Variants in PARPBP observed in about 807,000 individuals in gnomAD.
PARPBP encodes PARP1 binding protein.
PARPBP carries 52 observed loss-of-function variants against 50.0 expected under a neutral mutation model. That is an observed-to-expected ratio of 1.04 (90% CI 0.83 to 1.31). The LOEUF (loss-of-function observed/expected upper bound fraction) is 1.31, where lower values mean the gene tolerates loss of function less well. Ranked by LOEUF, PARPBP falls within the 50% of genes most tolerant of loss-of-function variation. The probability of loss-of-function intolerance (pLI) is 0.00; values close to 1 mark genes in which losing one functional copy is unlikely to be tolerated. For missense variants in PARPBP, 697 were observed against 672.0 expected (o/e 1.04, Z -0.41); for synonymous variants, 244 against 232.1 (o/e 1.05, Z -0.47).
intron 6 of PARPBP, among the ~76,000 whole-genome samples, chr12:102,174,364 T>C (rs1190399123): frequency 1.3e-5 from 2 of 152,230 alleles, no homozygotes; most frequent in Non-Finnish European, 2.9e-5. Flanking sequence ...CTAACTTTCC[T>C]CTTCTATCTG....
intron 4 of PARPBP, among the ~76,000 whole-genome samples, chr12:102,157,815 G>T (rs1887119356): frequency 6.6e-6 from 1 of 152,018 alleles, no homozygotes; most frequent in Non-Finnish European, 1.5e-5. Context: ...TATTTCTGTA[G>T]TATCTATAGA....
intron 4 of PARPBP, among the ~76,000 whole-genome samples, chr12:102,158,379 ATATT>A (rs1409337620): frequency 1.3e-5 from 2 of 152,132 alleles, no homozygotes; most frequent in Non-Finnish European, 2.9e-5. Flanking sequence ...TCATGAATTT[ATATT>A]TATTCACTGT....
chr12:102,154,696 G>A (rs1886643092), intron 4 of PARPBP: 2 of 371,584 alleles, frequency 5.4e-6, no homozygotes, highest in South Asian at 4.2e-5. Context: ...AGATAGAGAA[G>A]GAAATAAAAA....
At chr12:102,185,166 C>T (rs1020614516) in intron 9 of PARPBP, among the ~76,000 whole-genome samples, 2 of 152,106 alleles carry the variant, frequency 1.3e-5, no homozygotes, top group African/African-American at 4.8e-5. Flanking sequence ...ATTTTAGGTC[C>T]TCAACTTTTA....
intron 7 of PARPBP, among the ~76,000 whole-genome samples, chr12:102,177,417 A>G (rs921561572): frequency 3.9e-5 from 6 of 152,254 alleles, no homozygotes; most frequent in Admixed American, 3.3e-4. Context: ...TATACAGGAT[A>G]TACAACTAAG....
chr12:102,171,523 C>T (rs1888727170), intron 6 of PARPBP, among the ~76,000 whole-genome samples: 1 of 152,060 alleles, frequency 6.6e-6, no homozygotes, highest in Admixed American at 6.5e-5. Context: ...TGTTAAATCT[C>T]ACTGAAATTT....
intron 3 of PARPBP, among the ~76,000 whole-genome samples, chr12:102,152,329 A>G (rs1886311784): frequency 6.7e-6 from 1 of 149,070 alleles, no homozygotes; most frequent in African/African-American, 2.5e-5. Flanking sequence ...ATGGGTGGAA[A>G]GTATTCCAGA....
intron 2 of PARPBP, among the ~76,000 whole-genome samples, chr12:102,146,862 A>T (rs1433064405): frequency 3.3e-5 from 5 of 151,996 alleles, no homozygotes; most frequent in Non-Finnish European, 7.3e-5. Context: ...AACTCAAACA[A>T]ATTTGCAAGA....
At chr12:102,150,508 C>T (rs1886046810) in intron 3 of PARPBP, 2 of 326,930 alleles carry the variant, frequency 6.1e-6, no homozygotes, top group Non-Finnish European at 1.2e-5. Context: ...AAAGCTAAGT[C>T]AGGGCAATTT....
Position 102,141,352 on chromosome 12 carries a change from A to G in PARPBP, c.154-6878A>G, listed in dbSNP as rs189983127. Reference sequence around the variant, plus strand: ...CCATTTGCTTGGTAGATCTTCCTCCATCCCTTTATTTTGAGCCTATATGTG... The same window carrying G: ...CCATTTGCTTGGTAGATCTTCCTCCGTCCCTTTATTTTGAGCCTATATGTG... On this transcript the variant is annotated intron_variant, in intron 2 of 10. Transcript: ENST00000327680. Among the ~76,000 whole-genome samples, 898 of 151,456 alleles carry G rather than the reference A, an allele frequency of 5.9e-3. 11 individuals are homozygous for G. Among genetic ancestry groups the G allele is most frequent in the African/African-American group, 0.02 (842 of 41,234 alleles).
chr12:102,154,986 A>G (rs923619054), intron 4 of PARPBP: 1 of 338,926 alleles, frequency 3.0e-6, no homozygotes, highest in Non-Finnish European at 5.7e-6. Flanking sequence ...ACTCCTTTCT[A>G]CTGATTCCAG....
In PARPBP at chr12:102,148,451, C is replaced by T. The variant is rs902237653; in HGVS notation, c.375C>T (p.Asn125=). 1 of 1,292,060 alleles carries T rather than the reference C, an allele frequency of 7.7e-7. No homozygotes were observed. 80.0% of individuals were successfully genotyped at this position (1,292,060 alleles called of 1,614,324 possible). The change falls in exon 3 of 11, where the codon AAC becomes AAT. Residue 125 remains asparagine (N), a synonymous_variant. Transcript: ENST00000327680. ...RALTSNCENY[N]TVSPSQLLDF... ...TGACTTCTAATTGTGAAAATTATAA[C>T]ACAGTATCTCCTGTAAGTATTTTTT...
Position 102,196,667 on chromosome 12 carries a change from A to T in PARPBP, c.*376A>T, listed in dbSNP as rs578029835. 6.2e-7 allele frequency: 1 copy of T among 1,610,428 alleles called. No homozygotes were observed. Among genetic ancestry groups the T allele is most frequent in the East Asian group, 2.2e-5 (1 of 44,810 alleles). ...CCAACAGGTATCAGACTTGCCAACA[A>T]GGTCGGTAGACTCTTCCCAGCATAC... On this transcript the variant is annotated 3_prime_UTR_variant, in exon 11 of 11. Transcript: ENST00000327680.
intron 7 of PARPBP, 143 bp downstream of exon 7, chr12:102,175,809 C>G: frequency 1.8e-6 from 1 of 571,002 alleles, no homozygotes; most frequent in Admixed American, 3.6e-5. Context: ...GTAAGTTTCT[C>G]AATAGGATTA....
At chr12:102,154,728 T>A (rs945715539) in intron 4 of PARPBP, 1 of 392,666 alleles carries the variant, frequency 2.5e-6, no homozygotes, top group African/African-American at 2.1e-5. Context: ...AAAATATGTT[T>A]CTTTGCCATA....
At chr12:102,160,777 C>T (rs1438015147) in intron 4 of PARPBP, among the ~76,000 whole-genome samples, 2 of 151,926 alleles carry the variant, frequency 1.3e-5, no homozygotes, top group African/African-American at 2.4e-5. Context: ...GGAGAAATCC[C>T]GTCTCTACTA....
rs574608036 is a variant in PARPBP, at chr12:102,141,421, G to C, written c.154-6809G>C. On this transcript the variant is annotated intron_variant, in intron 2 of 10. Transcript: ENST00000327680. ...GTCTCCTGAATACAGCACACTGATG[G>C]GTCTTGACTCTTTATCCAATTTGCC... Among the ~76,000 whole-genome samples, 696 of 152,052 alleles carry C rather than the reference G, an allele frequency of 4.6e-3. 7 individuals are homozygous for C. Among genetic ancestry groups the C allele is most frequent in the African/African-American group, 0.016 (670 of 41,476 alleles).
At chr12:102,194,551 C>CT (rs1253997898) in intron 9 of PARPBP, among the ~76,000 whole-genome samples, 1 of 151,814 alleles carries the variant, frequency 6.6e-6, no homozygotes, top group Non-Finnish European at 1.5e-5. Flanking sequence ...TCCAAAACTA[C>CT]TTTTTTTGGC....
At chr12:102,191,996 A>G (rs1229232464) in intron 9 of PARPBP, among the ~76,000 whole-genome samples, 1 of 152,170 alleles carries the variant, frequency 6.6e-6, no homozygotes, top group Non-Finnish European at 1.5e-5. Flanking sequence ...AGTTCTATGT[A>G]GCCACTAATC....
Sources: gnomAD v4.1 joint callset for allele counts (sites outside exome capture counted in the v4.1 genomes callset) on GRCh38, gnomAD v4.1.1 for gene constraint, MANE v1.5 for transcripts, NCBI Gene and HGNC (gene_info 2026-07-23, HGNC 2026-07-21) for gene names.